Variants in DAB1 observed in about 807,000 individuals in gnomAD.
The protein encoded by DAB1 is DAB adaptor protein 1.
Under a neutral mutation model 64.6 loss-of-function variants are expected in DAB1, and 15 were observed. The ratio of observed to expected loss-of-function variants is 0.23; its 90% CI spans 0.16 to 0.36. The LOEUF (loss-of-function observed/expected upper bound fraction) is 0.36. DAB1 is among the 10% of genes least tolerant of loss of function. DAB1 has a pLI of 1.00. For synonymous variants in DAB1, 235 were observed against 251.9 expected, an observed-to-expected ratio of 0.93 and a Z score of 0.64; for missense variants, 596 against 706.7, an observed-to-expected ratio of 0.84 and a Z score of 1.78.
chr1:57,951,334 T>TC lies in DAB1; in HGVS notation n.388-67173_388-67172insG, dbSNP rs1219655257. 2.8e-4 allele frequency among the ~76,000 whole-genome samples: 18 copies of TC among 63,850 alleles called. 2 individuals are homozygous for TC. The highest frequency in any genetic ancestry group is 5.4e-4 in the Admixed American group (3 of 5,516). 41.9% of individuals were successfully genotyped at this position (63,850 alleles called of 152,430 possible). A position where few individuals can be genotyped will look rare whatever the true frequency, so the allele number is the denominator to read the frequency against. ...GCCTGATTCATATATATATATATAC[T>TC]TCCCTGGAAACTTAAATTAGCCCAA... On this transcript the variant is annotated intron_variant and non_coding_transcript_variant, in intron 5 of 20. Coordinates refer to the DAB1 transcript ENST00000485760.
At chr1:57,564,627 C>G (rs186313319) in intron 7 of DAB1, among the ~76,000 whole-genome samples, 2 of 152,290 alleles carry the variant, frequency 1.3e-5, no homozygotes, top group East Asian at 3.9e-4. Flanking sequence ...CGAGAACTAC[C>G]TGAAGCATGC....
intron 3 of DAB1, among the ~76,000 whole-genome samples, chr1:58,437,368 G>A (rs2100257195): frequency 6.6e-6 from 1 of 152,272 alleles, no homozygotes; most frequent in Non-Finnish European, 1.5e-5. Context: ...AGAAGAAAAG[G>A]AGGGAGAAAG....
chr1:58,327,471 G>C (rs1296078129), intron 4 of DAB1, among the ~76,000 whole-genome samples: 2 of 152,186 alleles, frequency 1.3e-5, no homozygotes, highest in African/African-American at 2.4e-5. Context: ...CAATGGTTAA[G>C]GACAAGGACA....
intron 1 of DAB1, among the ~76,000 whole-genome samples, chr1:58,529,675 T>C (rs994933193): frequency 7.2e-5 from 11 of 152,236 alleles, no homozygotes; most frequent in African/African-American, 2.4e-4. Context: ...TGGCTCTCTA[T>C]ATCTGTGGAT....
At position 56,996,187 on chromosome 1, in the gene DAB1, T is replaced by G. The variant is rs1044481056; in HGVS notation, c.*1957A>C. ...ATGAATCTCCCAAATCATTTTAGTTTCTATTGATATGAAGAATCAAATGCA... is the reference window on the plus strand; with the variant it reads ...ATGAATCTCCCAAATCATTTTAGTTGCTATTGATATGAAGAATCAAATGCA... On this transcript the variant is annotated 3_prime_UTR_variant, in exon 15 of 15. Transcript: ENST00000371236. 1 of 152,244 alleles carries G rather than the reference T, an allele frequency of 6.6e-6. No homozygotes were observed. The highest frequency in any genetic ancestry group is 2.4e-5 in the African/African-American group (1 of 41,454). 9.4% of individuals were successfully genotyped at this position (152,244 alleles called of 1,614,324 possible). A position where few individuals can be genotyped will look rare whatever the true frequency, so the allele number is the denominator to read the frequency against.
At chr1:57,880,113 C>T (rs149982725) in intron 1 of DAB1, 3 of 152,052 alleles carry the variant, frequency 2.0e-5, no homozygotes, top group Non-Finnish European at 2.9e-5. Flanking sequence ...CCCCTACCCC[C>T]CCTAGTACCT....
chr1:57,401,454 C>T (rs1417339301), intron 1 of DAB1, among the ~76,000 whole-genome samples: 2 of 152,264 alleles, frequency 1.3e-5, no homozygotes, highest in East Asian at 3.9e-4. Context: ...CATACAAACA[C>T]CCACTCTGAT....
At chr1:57,749,809 A>G (rs781085597) in intron 6 of DAB1, among the ~76,000 whole-genome samples, 4 of 152,212 alleles carry the variant, frequency 2.6e-5, no homozygotes, top group Non-Finnish European at 4.4e-5. Flanking sequence ...CAAGAAGTGG[A>G]CTTGAGATGC....
At chr1:58,414,247 G>C (rs1416229274) in intron 3 of DAB1, among the ~76,000 whole-genome samples, 1 of 152,138 alleles carries the variant, frequency 6.6e-6, no homozygotes, top group Non-Finnish European at 1.5e-5. Flanking sequence ...CCCCAAACTA[G>C]GGCTACAGTA....
chr1:57,651,078 A>T (rs1159215011), intron 6 of DAB1, among the ~76,000 whole-genome samples: 2 of 152,114 alleles, frequency 1.3e-5, no homozygotes, highest in African/African-American at 4.8e-5. Flanking sequence ...ATAAAAAGTG[A>T]TGTTCCATTT....
At chr1:57,329,248 C>T (rs1676440365) in intron 1 of DAB1, among the ~76,000 whole-genome samples, 1 of 152,184 alleles carries the variant, frequency 6.6e-6, no homozygotes, top group Non-Finnish European at 1.5e-5. Flanking sequence ...AGGAGCGGAT[C>T]CCAGGCAGCC....
At chr1:58,438,440 GT>G (rs1488203339) in intron 3 of DAB1, among the ~76,000 whole-genome samples, 2 of 152,216 alleles carry the variant, frequency 1.3e-5, no homozygotes, top group Admixed American at 1.3e-4. Context: ...GTTCCGGGCA[GT>G]TGTGCAGCAG....
At chr1:57,230,694 G>A (rs920110821) in intron 2 of DAB1, among the ~76,000 whole-genome samples, 3 of 148,966 alleles carry the variant, frequency 2.0e-5, no homozygotes, top group South Asian at 2.2e-4. Context: ...TATATATAAT[G>A]TGTAATGATC....
At chr1:57,405,283 A>G (rs955508793) in intron 1 of DAB1, among the ~76,000 whole-genome samples, 1 of 152,242 alleles carries the variant, frequency 6.6e-6, no homozygotes, top group Non-Finnish European at 1.5e-5. Flanking sequence ...TTGATAAAGA[A>G]AAACAAACAA....
At chr1:58,012,868 A>G (rs934009444) in intron 5 of DAB1, among the ~76,000 whole-genome samples, 1 of 152,186 alleles carries the variant, frequency 6.6e-6, no homozygotes, top group African/African-American at 2.4e-5. Context: ...TCTGCCAATG[A>G]GAGGGAAGAG....
At chr1:58,485,692 ATATATCT>A (rs1645565236) in intron 3 of DAB1, among the ~76,000 whole-genome samples, 1 of 151,948 alleles carries the variant, frequency 6.6e-6, no homozygotes, top group Admixed American at 6.6e-5. Flanking sequence ...ATCTTATTAA[ATATATCT>A]TCATCTCTTC....
chr1:57,319,391 A>G (rs1022187786), intron 1 of DAB1, among the ~76,000 whole-genome samples: 36 of 152,158 alleles, frequency 2.4e-4, no homozygotes, highest in East Asian at 5.8e-4. Flanking sequence ...CAGTTTTTCT[A>G]TACACATATT....
chr1:57,986,264 G>C (rs1256980412), intron 5 of DAB1, among the ~76,000 whole-genome samples: 1 of 152,160 alleles, frequency 6.6e-6, no homozygotes, highest in African/African-American at 2.4e-5. Context: ...TGATGGTATT[G>C]GAGGAGGTGG....
intron 6 of DAB1, among the ~76,000 whole-genome samples, chr1:57,653,307 G>T (rs57145034): frequency 0.015 from 2,318 of 152,110 alleles, 58 homozygotes; most frequent in African/African-American, 0.053. Context: ...TTACTGGTTT[G>T]CATGTTTTAA....
Sources: gnomAD v4.1 joint callset for allele counts (sites outside exome capture counted in the v4.1 genomes callset) on GRCh38, gnomAD v4.1.1 for gene constraint, MANE v1.5 for transcripts, NCBI Gene and HGNC (gene_info 2026-07-23, HGNC 2026-07-21) for gene names.